Variants in NELL1 observed in about 807,000 individuals in gnomAD.
The protein encoded by NELL1 is neural EGFL like 1, also known as protein kinase C-binding protein NELL1.
NELL1 carries 76 observed loss-of-function variants against 107.4 expected under a neutral mutation model. The observed-to-expected ratio is 0.71, with a 90% CI of 0.59 to 0.86. NELL1 has a LOEUF of 0.86. NELL1 is among the 40% of genes least tolerant of loss of function. The pLI is 0.00. For synonymous variants in NELL1, 353 were observed against 341.2 expected (o/e 1.03, Z -0.38); for missense variants, 1,024 against 1,005.5 (o/e 1.02, Z -0.25).
intron 13 of NELL1, among the ~76,000 whole-genome samples, chr11:21,227,592 C>T (rs1857927659): frequency 6.6e-6 from 1 of 152,154 alleles, no homozygotes; most frequent in Non-Finnish European, 1.5e-5. Context: ...TCTGCTATTG[C>T]ACCTGCAAAT....
chr11:21,130,200 C>T (rs1855583361), intron 13 of NELL1, among the ~76,000 whole-genome samples: 1 of 152,012 alleles, frequency 6.6e-6, no homozygotes, highest in Non-Finnish European at 1.5e-5. Flanking sequence ...TCAGTAAACT[C>T]CAATCAGCCC....
chr11:21,513,723 T>C (rs963388638), intron 15 of NELL1, among the ~76,000 whole-genome samples: 5 of 152,196 alleles, frequency 3.3e-5, no homozygotes, highest in African/African-American at 1.2e-4. Context: ...CCAGGCATTA[T>C]CTAATTTAAG....
intron 2 of NELL1, among the ~76,000 whole-genome samples, chr11:20,772,258 A>G (rs1174832578): frequency 3.9e-5 from 6 of 152,178 alleles, no homozygotes; most frequent in Non-Finnish European, 8.8e-5. Flanking sequence ...GTTGCTACGT[A>G]GGGGAGGCAT....
At chr11:21,284,576 G>C (rs1402679473) in intron 14 of NELL1, 4 of 451,278 alleles carry the variant, frequency 8.9e-6, no homozygotes, top group African/African-American at 2.0e-5. Context: ...GAGTATCCCA[G>C]CCCCAACAGT....
At chr11:21,155,268 A>C (rs766903072) in intron 13 of NELL1, among the ~76,000 whole-genome samples, 1 of 152,154 alleles carries the variant, frequency 6.6e-6, no homozygotes, top group Non-Finnish European at 1.5e-5. Flanking sequence ...CAGTTTGGAC[A>C]GATTGGGTCC....
At chr11:21,188,134 G>T (rs1283888770) in intron 13 of NELL1, among the ~76,000 whole-genome samples, 1 of 151,844 alleles carries the variant, frequency 6.6e-6, no homozygotes, top group Non-Finnish European at 1.5e-5. Flanking sequence ...TGGGGAAGAT[G>T]AAGGGGAAAG....
chr11:21,389,554 A>G lies in NELL1; in HGVS notation c.1645+18606A>G, dbSNP rs376789924. Among the ~76,000 whole-genome samples, 36 of 151,920 alleles carry G rather than the reference A, an allele frequency of 2.4e-4. No individual in the cohort carries two copies. In the East Asian group the frequency reaches 5.3e-3, roughly 22 times the overall value. ...GGTCTGGAAAACTCACAAAAAGTTA[A>G]CAAACTTTTGAAAACTATGATATGT... On this transcript the variant is annotated intron_variant, in intron 15 of 19. Coordinates refer to ENST00000357134, the MANE Select transcript of NELL1 (RefSeq NM_006157.5).
In NELL1 at chr11:20,718,343, T is replaced by A. The variant is rs938907230; in HGVS notation, c.184+40283T>A. On this transcript the variant is annotated intron_variant, in intron 2 of 19. Coordinates refer to ENST00000357134, the MANE Select transcript of NELL1 (RefSeq NM_006157.5). ...TGTGGCCAGTGGCTGCTTTATTGGGTAGTGCCATTCTAGAAAAACAGTATC... is the reference window on the plus strand; with the variant it reads ...TGTGGCCAGTGGCTGCTTTATTGGGAAGTGCCATTCTAGAAAAACAGTATC... Among the ~76,000 whole-genome samples the A allele has an allele frequency of 2.6e-5, 4 of 152,220 alleles. No homozygotes were observed. In the South Asian group the frequency reaches 8.3e-4, roughly 32 times the overall value.
chr11:21,385,100 C>T (rs947638867), intron 15 of NELL1, among the ~76,000 whole-genome samples: 8 of 151,810 alleles, frequency 5.3e-5, no homozygotes, highest in Non-Finnish European at 1.2e-4. Flanking sequence ...TGACCCCTAT[C>T]TAAAATAATA....
intron 5 of NELL1, among the ~76,000 whole-genome samples, chr11:20,905,909 A>G (rs543146561): frequency 1.3e-5 from 2 of 152,282 alleles, no homozygotes; most frequent in South Asian, 2.1e-4. Context: ...ATTTGATGAA[A>G]TATATGAATC....
intron 14 of NELL1, among the ~76,000 whole-genome samples, chr11:21,254,320 A>G (rs1237906133): frequency 6.6e-6 from 1 of 152,136 alleles, no homozygotes; most frequent in Non-Finnish European, 1.5e-5. Context: ...ATATGATGAT[A>G]GAAAAAAGCC....
chr11:21,074,582 C>A (rs1373579543), intron 12 of NELL1, among the ~76,000 whole-genome samples: 1 of 152,130 alleles, frequency 6.6e-6, no homozygotes, highest in East Asian at 1.9e-4. Context: ...TAACTGCTCT[C>A]TAGAATCATT....
chr11:21,273,635 G>A (rs1253192567), intron 14 of NELL1, among the ~76,000 whole-genome samples: 1 of 152,162 alleles, frequency 6.6e-6, no homozygotes, highest in Admixed American at 6.5e-5. Context: ...AGGAAAAAAT[G>A]TTAAGGGCAG....
chr11:20,749,335 C>T (rs528298496), intron 2 of NELL1, among the ~76,000 whole-genome samples: 60 of 152,188 alleles, frequency 3.9e-4, no homozygotes, highest in Middle Eastern at 3.4e-3. Flanking sequence ...TACTGTGTCT[C>T]ACGTCTGTAA....
intron 17 of NELL1, among the ~76,000 whole-genome samples, chr11:21,568,727 A>C (rs75913793): frequency 0.049 from 7,384 of 151,580 alleles, 585 homozygotes; most frequent in African/African-American, 0.17. Context: ...ACTGTCTTTC[A>C]CCTCCATATT....
chr11:21,150,974 G>A (rs1371132908), intron 13 of NELL1, among the ~76,000 whole-genome samples: 3 of 152,070 alleles, frequency 2.0e-5, no homozygotes, highest in Non-Finnish European at 2.9e-5. Flanking sequence ...GGCAAAGGAG[G>A]AAGTGCTACC....
chr11:21,482,900 A>C (rs571973793), intron 15 of NELL1, among the ~76,000 whole-genome samples: 30 of 152,288 alleles, frequency 2.0e-4, no homozygotes, highest in African/African-American at 6.7e-4. Flanking sequence ...TAGAACATTT[A>C]TATACCTGAA....
intron 14 of NELL1, among the ~76,000 whole-genome samples, chr11:21,283,292 A>G (rs1849039070): frequency 6.6e-6 from 1 of 152,206 alleles, no homozygotes; most frequent in Non-Finnish European, 1.5e-5. Flanking sequence ...ATAAATACAT[A>G]CACACACTAT....
intron 4 of NELL1, among the ~76,000 whole-genome samples, chr11:20,877,784 C>T (rs10741858): frequency 0.86 from 130,666 of 152,114 alleles, 56,142 homozygotes; most frequent in East Asian, 0.92. Context: ...AGAAATGAGA[C>T]ACTTACACTT....
Sources: allele counts gnomAD v4.1 joint callset (sites outside exome capture counted in the v4.1 genomes callset), GRCh38; gene constraint gnomAD v4.1.1; transcripts MANE v1.5; gene names NCBI Gene and HGNC (gene_info 2026-07-23, HGNC 2026-07-21).